The following MCPH1 variants were observed in gnomAD, a reference collection of about 807,000 sequenced individuals.
MCPH1 encodes the protein microcephalin 1.
MCPH1 carries 104 observed loss-of-function variants against 84.5 expected under a neutral mutation model. That is an observed-to-expected ratio of 1.23 (90% CI 1.05 to 1.45). MCPH1 has a LOEUF of 1.45. MCPH1 is among the 40% of genes most tolerant of loss of function. MCPH1 has a pLI of 0.00. For synonymous variants in MCPH1, 514 were observed against 366.8 expected (o/e 1.40, Z -4.58); for missense variants, 1,498 against 1,005.7 (o/e 1.49, Z -6.62).
intron 12 of MCPH1, among the ~76,000 whole-genome samples, chr8:6,544,780 C>T (rs937613602): frequency 7.9e-5 from 12 of 152,174 alleles, no homozygotes; most frequent in Admixed American, 2.6e-4. Flanking sequence ...AAAAGAGCCT[C>T]CCTTACCTCC....
At chr8:6,537,540 T>A (rs1157660979) in intron 12 of MCPH1, among the ~76,000 whole-genome samples, 1 of 120,926 alleles carries the variant, frequency 8.3e-6, no homozygotes, top group Non-Finnish European at 1.9e-5. Flanking sequence ...AATATTTTAA[T>A]GCAACATATA....
chr8:6,537,293 G>T (rs1363339449), intron 12 of MCPH1, among the ~76,000 whole-genome samples: 1 of 152,116 alleles, frequency 6.6e-6, no homozygotes, highest in Non-Finnish European at 1.5e-5. Flanking sequence ...CGAGGACAGT[G>T]TGTGTTTATT....
chr8:6,630,226 T>G (rs1314212776), intron 13 of MCPH1, among the ~76,000 whole-genome samples: 1 of 152,120 alleles, frequency 6.6e-6, no homozygotes, highest in Non-Finnish European at 1.5e-5. Flanking sequence ...TGGGAAAAAC[T>G]TATAAATATT....
At chr8:6,567,461 G>A (rs984582196) in intron 12 of MCPH1, among the ~76,000 whole-genome samples, 1 of 152,230 alleles carries the variant, frequency 6.6e-6, no homozygotes, top group Non-Finnish European at 1.5e-5. Context: ...GCTGCTTACA[G>A]GGGCTTACTA....
intron 10 of MCPH1, among the ~76,000 whole-genome samples, chr8:6,478,379 A>G (rs1808751149): frequency 1.3e-5 from 2 of 152,246 alleles, no homozygotes; most frequent in African/African-American, 2.4e-5. Flanking sequence ...ATTATGAAAT[A>G]TATTGAACAT....
At chr8:6,580,794 C>A (rs13280110) in intron 12 of MCPH1, among the ~76,000 whole-genome samples, 64,457 of 152,088 alleles carry the variant, frequency 0.42, 14,564 homozygotes, top group East Asian at 0.85. Context: ...TAGTGCATCC[C>A]TTAAATACAA....
chr8:6,598,221 G>T (rs1467343034), intron 12 of MCPH1, among the ~76,000 whole-genome samples: 1 of 152,194 alleles, frequency 6.6e-6, no homozygotes, highest in East Asian at 1.9e-4. Context: ...AAATACGTGG[G>T]TTCCCACACC....
At chr8:6,613,858 C>T (rs1830533593) in intron 12 of MCPH1, among the ~76,000 whole-genome samples, 1 of 152,124 alleles carries the variant, frequency 6.6e-6, no homozygotes, top group Admixed American at 6.5e-5. Flanking sequence ...CTTTTGATCG[C>T]CAAGGGAGAA....
chr8:6,450,007 ATC>A (rs201565248), intron 8 of MCPH1, among the ~76,000 whole-genome samples: 1 of 1,150 alleles, frequency 8.7e-4, no homozygotes, highest in Non-Finnish European at 0.019. Context: ...AGTCCTTCCT[ATC>A]TATACCCCAC....
In MCPH1 at chr8:6,506,378, C is replaced by G. The variant is rs147293225; in HGVS notation, c.2214+6449C>G. ...CTTTCTCTCTTGGGCTGTTTTTCCT[C>G]TCCCCAGTCTCTTTTCCAATTACAT... On this transcript the variant is annotated intron_variant, in intron 12 of 13. Coordinates refer to ENST00000344683, the MANE Select transcript of MCPH1 (RefSeq NM_024596.5). Among the ~76,000 whole-genome samples the G allele has an allele frequency of 2.9e-3, 445 of 152,268 alleles. 5 individuals carry two copies. The highest frequency in any genetic ancestry group is 2.0e-3 in the Admixed American group (31 of 15,292).
chr8:6,499,040 A>G (rs1436566318), intron 11 of MCPH1, among the ~76,000 whole-genome samples: 5 of 151,784 alleles, frequency 3.3e-5, no homozygotes, highest in Admixed American at 2.6e-4. Flanking sequence ...TGACAGAGTG[A>G]GAGTTTGTCT....
At position 6,609,819 on chromosome 8, in the gene MCPH1, G is replaced by GCCCCCCCCCCC. The variant is rs11280683; in HGVS notation, c.2215-11625_2215-11624insCCCCCCCCCCC. On this transcript the variant is annotated intron_variant, in intron 12 of 13. Coordinates refer to ENST00000344683, the MANE Select transcript of MCPH1 (RefSeq NM_024596.5). ...TCTCATTATCAAAGCAATGCCCCCCGCCCCCCCCCCACACACAGACTGCCA... is the reference window on the plus strand; with the variant it reads ...TCTCATTATCAAAGCAATGCCCCCCGCCCCCCCCCCCCCCCCCCCCCACACACAGACTGCCA... 2.1e-4 allele frequency among the ~76,000 whole-genome samples: 22 copies of GCCCCCCCCCCC among 104,108 alleles called. 2 individuals are homozygous for GCCCCCCCCCCC. Among genetic ancestry groups the GCCCCCCCCCCC allele is most frequent in the South Asian group, 4.5e-4 (1 of 2,226 alleles). The allele number at this position is 104,108 out of a possible 152,430, so 68.3% of individuals were successfully genotyped here.
At chr8:6,620,579 C>T (rs1831308095) in intron 12 of MCPH1, among the ~76,000 whole-genome samples, 1 of 152,158 alleles carries the variant, frequency 6.6e-6, no homozygotes, top group Non-Finnish European at 1.5e-5. Flanking sequence ...TACATCCCCT[C>T]AAATCTCTAA....
At chr8:6,517,607 C>T (rs543096365) in intron 12 of MCPH1, among the ~76,000 whole-genome samples, 1 of 152,202 alleles carries the variant, frequency 6.6e-6, no homozygotes, top group Non-Finnish European at 1.5e-5. Flanking sequence ...GAGAAGTTGT[C>T]TGGTAGTCTT....
At chr8:6,460,766 C>T (rs1342084905) in intron 9 of MCPH1, among the ~76,000 whole-genome samples, 1 of 152,002 alleles carries the variant, frequency 6.6e-6, no homozygotes, top group Non-Finnish European at 1.5e-5. Context: ...GGCTAGCTGT[C>T]CCCTGGGAGT....
intron 1 of MCPH1, 54 bp from the exon 2 acceptor site, chr8:6,409,225 G>C: frequency 7.1e-7 from 1 of 1,404,328 alleles, no homozygotes; most frequent in African/African-American, 1.4e-5. Flanking sequence ...AATCTATTGG[G>C]CAGGGGATGC....
chr8:6,617,738 A>ACAAT lies in MCPH1; in HGVS notation c.2215-3713_2215-3710dup, dbSNP rs527956314. On this transcript the variant is annotated intron_variant, in intron 12 of 13. Transcript: ENST00000344683. ...GTCACCCACGCTGGAGTGAAGGGTC[A>ACAAT]CAATCACAGTTCACTGCAGCCTCAA... Among the ~76,000 whole-genome samples the ACAAT allele has an allele frequency of 8.5e-3, 1,293 of 152,198 alleles. 16 individuals are homozygous for ACAAT. The highest frequency in any genetic ancestry group is 0.03 in the African/African-American group (1,228 of 41,518).
At chr8:6,618,649 CTAT>C (rs1359927459) in intron 12 of MCPH1, 2 of 152,104 alleles carry the variant, frequency 1.3e-5, no homozygotes, top group Non-Finnish European at 2.9e-5. Flanking sequence ...GAGAACTGAT[CTAT>C]TATTCATAAT....
At chr8:6,578,539 C>T (rs1827298306) in intron 12 of MCPH1, among the ~76,000 whole-genome samples, 1 of 152,192 alleles carries the variant, frequency 6.6e-6, no homozygotes, top group African/African-American at 2.4e-5. Flanking sequence ...TAACCAAAAT[C>T]TCACTATGTA....
Sources: gnomAD v4.1 joint callset for allele counts (sites outside exome capture counted in the v4.1 genomes callset) on GRCh38, gnomAD v4.1.1 for gene constraint, MANE v1.5 for transcripts, NCBI Gene and HGNC (gene_info 2026-07-23, HGNC 2026-07-21) for gene names.